Variants in USP31 observed in about 807,000 individuals in gnomAD.
USP31 encodes ubiquitin specific peptidase 31.
Under a neutral mutation model 119.4 loss-of-function variants are expected in USP31, and 44 were observed. The ratio of observed to expected loss-of-function variants is 0.37; its 90% confidence interval spans 0.29 to 0.47. The LOEUF is 0.47. USP31 is among the 20% of genes least tolerant of loss of function. The pLI is 0.99. For synonymous variants in USP31, 749 were observed against 705.6 expected, an observed-to-expected ratio of 1.06 and a Z score of -0.97; for missense variants, 1,643 against 1,730.2, an observed-to-expected ratio of 0.95 and a Z score of 0.89.
intron 7 of USP31, among the ~76,000 whole-genome samples, chr16:23,089,660 T>G (rs1901266919): frequency 6.6e-6 from 1 of 152,212 alleles, no homozygotes. Context: ...GAGTCCTTTC[T>G]CCTTGAAACA....
intron 1 of USP31, among the ~76,000 whole-genome samples, chr16:23,127,552 G>A (rs1342949303): frequency 2.0e-5 from 3 of 151,740 alleles, no homozygotes; most frequent in Non-Finnish European, 4.4e-5. Flanking sequence ...AACCTCTGCC[G>A]CCTGGGTTCA....
intron 1 of USP31, among the ~76,000 whole-genome samples, chr16:23,124,498 C>G (rs1180761024): frequency 1.3e-5 from 2 of 152,206 alleles, no homozygotes; most frequent in African/African-American, 4.8e-5. Flanking sequence ...TGAGTGCCCT[C>G]TCCGGGACAT....
rs1216280398 is a variant in USP31, at chr16:23,068,596, G to A, written c.3509C>T (p.Ala1170Val). 6.2e-7 allele frequency: 1 copy of A among 1,614,070 alleles called. No individual in the cohort carries two copies. Among genetic ancestry groups the A allele is most frequent in the African/African-American group, 1.3e-5 (1 of 74,914 alleles). ...GGAATTGGGTTTGGAGGTGGAGGTG[G>A]CGCTGGCTCTGTCAGAACCCAAGCT... ...RQSLGSDRAS[A>V]TSTSKPNSPR... is the part of the protein sequence containing the mutation. The change falls in exon 16 of 16, where the codon GCC (alanine) becomes GTC (valine). Residue 1170 changes from alanine (A) to valine (V), a missense_variant. By Grantham distance (64) the Ala-to-Val change is moderately conservative (BLOSUM62 0). Around this residue, in one of 5 missense-constraint regions of USP31, gnomAD observed 699 missense variants for 650.9 expected, o/e 1.07. Transcript: ENST00000219689.
At chr16:23,077,592 C>T (rs968026622) in intron 13 of USP31, among the ~76,000 whole-genome samples, 4 of 152,172 alleles carry the variant, frequency 2.6e-5, no homozygotes, top group African/African-American at 7.2e-5. Context: ...CCATCTCTCC[C>T]TACCTTTATA....
intron 1 of USP31, among the ~76,000 whole-genome samples, chr16:23,133,602 G>T (rs1027488178): frequency 6.6e-6 from 1 of 152,140 alleles, no homozygotes; most frequent in Non-Finnish European, 1.5e-5. Flanking sequence ...CCCTTTGAGG[G>T]AACAGGCAGT....
rs1488981755 is a variant in USP31 at position 23,064,999 on chromosome 16, G to C, written c.*3047C>G. 1.3e-5 allele frequency: 2 copies of C among 152,166 alleles called. No individual in the cohort carries two copies. Among genetic ancestry groups the C allele is most frequent in the African/African-American group, 4.8e-5 (2 of 41,420 alleles). 9.4% of individuals were successfully genotyped at this position (152,166 alleles called of 1,614,324 possible). A position where few individuals can be genotyped will look rare whatever the true frequency, so the allele number is the denominator to read the frequency against. ...GAAAATACAAAACGGATGGGAAATGGTCTAAGATGACTGGAGCCTAACGGT... is the reference window on the plus strand; with the variant it reads ...GAAAATACAAAACGGATGGGAAATGCTCTAAGATGACTGGAGCCTAACGGT... On this transcript the variant is annotated 3_prime_UTR_variant, in exon 16 of 16. Coordinates refer to ENST00000219689, the MANE Select transcript of USP31 (RefSeq NM_020718.4).
chr16:23,090,099 T>A (rs1901285474), intron 7 of USP31, among the ~76,000 whole-genome samples: 1 of 152,136 alleles, frequency 6.6e-6, no homozygotes, highest in African/African-American at 2.4e-5. Flanking sequence ...AAAACTAGAC[T>A]CCTGGCCAGA....
chr16:23,115,467 C>G (rs955033904), intron 1 of USP31, among the ~76,000 whole-genome samples: 5 of 150,994 alleles, frequency 3.3e-5, no homozygotes, highest in African/African-American at 9.7e-5. Flanking sequence ...CCAACCTGGG[C>G]AACATATCGA....
chr16:23,073,795 C>T lies in USP31; in HGVS notation c.2262G>A (p.Thr754=), dbSNP rs763372001. Residue 754 remains threonine, a synonymous_variant, in exon 14 of 16, where the codon ACG becomes ACA. Transcript: ENST00000219689. Reference sequence around the variant, plus strand: ...GGTAGAAGAGGATGTATGCTGTCTGCGTGCAGACCTCATCTTCTGACAGCT... The same window carrying T: ...GGTAGAAGAGGATGTATGCTGTCTGTGTGCAGACCTCATCTTCTGACAGCT... ...VQQLSEDEVC[T]QTAYILFYQR... The T allele has an allele frequency of 3.1e-6, 5 of 1,614,098 alleles. No homozygotes were observed. Among genetic ancestry groups the T allele is most frequent in the East Asian group, 4.5e-5 (2 of 44,882 alleles).
At chr16:23,081,622 T>C (rs576662595) in intron 12 of USP31, among the ~76,000 whole-genome samples, 7 of 152,372 alleles carry the variant, frequency 4.6e-5, no homozygotes, top group African/African-American at 1.2e-4. Context: ...AATACAGATT[T>C]AGTAAGGTTG....
Position 23,063,491 on chromosome 16 carries a change from G to T in USP31, c.*4555C>A, listed in dbSNP as rs766213503. 1 of 152,542 alleles carries T rather than the reference G, an allele frequency of 6.6e-6. No individual in the cohort carries two copies. Among genetic ancestry groups the T allele is most frequent in the African/African-American group, 2.4e-5 (1 of 41,424 alleles). The allele number at this position is 152,542 out of a possible 1,614,324, so 9.4% of individuals were successfully genotyped here. A position where few individuals can be genotyped will look rare whatever the true frequency, so the allele number is the denominator to read the frequency against. On this transcript the variant is annotated 3_prime_UTR_variant, in exon 16 of 16. Coordinates refer to ENST00000219689, the MANE Select transcript of USP31 (RefSeq NM_020718.4). ...TATAGAAAATGGCAGGTTATTTTTA[G>T]AACAAAACACTTTAGGAAAGTCTTC...
chr16:23,085,996 C>T (rs1201873978), intron 9 of USP31, among the ~76,000 whole-genome samples: 1 of 152,144 alleles, frequency 6.6e-6, no homozygotes, highest in Non-Finnish European at 1.5e-5. Flanking sequence ...TTTTCACCCA[C>T]CCAAACAGAC....
At chr16:23,071,344 T>C (rs995788939) in intron 15 of USP31, among the ~76,000 whole-genome samples, 1 of 143,588 alleles carries the variant, frequency 7.0e-6, no homozygotes, top group Non-Finnish European at 1.6e-5. Context: ...ATGCTCATTA[T>C]AGAAGCTGCA....
At chr16:23,123,952 T>G (rs1902764215) in intron 1 of USP31, among the ~76,000 whole-genome samples, 1 of 151,276 alleles carries the variant, frequency 6.6e-6, no homozygotes, top group South Asian at 2.1e-4. Flanking sequence ...TGAGCCATGA[T>G]CACACCACTG....
intron 1 of USP31, among the ~76,000 whole-genome samples, chr16:23,141,293 C>A (rs780584380): frequency 6.6e-6 from 1 of 152,210 alleles, no homozygotes; most frequent in Non-Finnish European, 1.5e-5. Context: ...CCAACTATAG[C>A]GCCTTCTGCA....
At chr16:23,119,170 C>T (rs1224997595) in intron 1 of USP31, among the ~76,000 whole-genome samples, 1 of 150,982 alleles carries the variant, frequency 6.6e-6, no homozygotes, top group Admixed American at 6.6e-5. Context: ...ACAATCTCAG[C>T]TCACTGCGAC....
At chr16:23,121,552 T>C (rs1222463600) in intron 1 of USP31, among the ~76,000 whole-genome samples, 2 of 152,174 alleles carry the variant, frequency 1.3e-5, no homozygotes, top group Non-Finnish European at 1.5e-5. Flanking sequence ...TGTGTGAATA[T>C]ACAGACAGCA....
chr16:23,066,273 G>T lies in USP31; in HGVS notation c.*1773C>A, dbSNP rs1415808040. On this transcript the variant is annotated 3_prime_UTR_variant, in exon 16 of 16. Coordinates refer to ENST00000219689, the MANE Select transcript of USP31 (RefSeq NM_020718.4). ...GCTAAATGTCTAAATCTTAAATACTGCCAAGGGTCTAAAATTCCAGCTACC... is the reference window on the plus strand; with the variant it reads ...GCTAAATGTCTAAATCTTAAATACTTCCAAGGGTCTAAAATTCCAGCTACC... 3.3e-5 allele frequency: 5 copies of T among 152,598 alleles called. No individual in the cohort carries two copies. The highest frequency in any genetic ancestry group is 2.6e-4 in the Admixed American group (4 of 15,274). 9.5% of individuals were successfully genotyped at this position (152,598 alleles called of 1,614,324 possible). A position where few individuals can be genotyped will look rare whatever the true frequency, so the allele number is the denominator to read the frequency against.
chr16:23,118,952 G>A (rs2141885886), intron 1 of USP31, among the ~76,000 whole-genome samples: 1 of 151,894 alleles, frequency 6.6e-6, no homozygotes, highest in South Asian at 2.1e-4. Context: ...CAGCCTGGGT[G>A]ACACTGCAAG....
Sources: allele counts gnomAD v4.1 joint callset (sites outside exome capture counted in the v4.1 genomes callset), GRCh38; gene constraint gnomAD v4.1.1; regional missense constraint gnomAD v4.1.1; transcripts MANE v1.5; gene names NCBI Gene and HGNC (gene_info 2026-07-23, HGNC 2026-07-21).